Variants in CPEB2 observed in about 807,000 individuals in gnomAD.
The protein encoded by CPEB2 is cytoplasmic polyadenylation element binding protein 2.
In CPEB2, 56 loss-of-function variants were observed where a neutral mutation model predicts 93.6. That is an observed-to-expected ratio of 0.60 (90% confidence interval 0.48 to 0.75). The LOEUF (loss-of-function observed/expected upper bound fraction) is 0.75. Among genes scored for constraint, CPEB2 ranks in the 30% least tolerant of loss-of-function variants. The probability of loss-of-function intolerance (pLI) is 0.00; values close to 1 mark genes in which losing one functional copy is unlikely to be tolerated. For synonymous variants in CPEB2, 764 were observed against 586.3 expected, an observed-to-expected ratio of 1.30 and a Z score of -4.38; for missense variants, 1,579 against 1,395.1, an observed-to-expected ratio of 1.13 and a Z score of -2.10.
At chr4:15,014,147 C>A (rs934436794) in intron 3 of CPEB2, among the ~76,000 whole-genome samples, 1 of 151,940 alleles carries the variant, frequency 6.6e-6, no homozygotes, top group Non-Finnish European at 1.5e-5. Context: ...TTCCCCTACA[C>A]CTCCAGAAAA....
intron 4 of CPEB2, among the ~76,000 whole-genome samples, chr4:15,032,938 A>G (rs1423980302): frequency 6.6e-6 from 1 of 152,140 alleles, no homozygotes; most frequent in Non-Finnish European, 1.5e-5. Context: ...TTGTATTCTT[A>G]TGATCTAGGA....
intron 4 of CPEB2, among the ~76,000 whole-genome samples, chr4:15,021,929 G>A (rs1724857972): frequency 6.6e-6 from 1 of 152,152 alleles, no homozygotes; most frequent in African/African-American, 2.4e-5. Flanking sequence ...GGTGCTGACT[G>A]ATTATGGTAG....
chr4:15,047,893 C>G (rs1231216049), intron 6 of CPEB2, among the ~76,000 whole-genome samples: 1 of 148,782 alleles, frequency 6.7e-6, no homozygotes, highest in Non-Finnish European at 1.5e-5. Flanking sequence ...CCCTCCTACT[C>G]CTAGTTTTCT....
At chr4:15,028,539 T>G (rs560100313) in intron 4 of CPEB2, among the ~76,000 whole-genome samples, 2 of 152,248 alleles carry the variant, frequency 1.3e-5, no homozygotes, top group Admixed American at 1.3e-4. Flanking sequence ...ACTGCCTTCA[T>G]GGATCTTCTG....
chr4:15,024,539 C>G (rs569674655), intron 4 of CPEB2, among the ~76,000 whole-genome samples: 1 of 151,790 alleles, frequency 6.6e-6, no homozygotes, highest in Non-Finnish European at 1.5e-5. Flanking sequence ...GTTTTTCTTT[C>G]TGGAAGCTTT....
intron 4 of CPEB2, among the ~76,000 whole-genome samples, chr4:15,021,663 A>T (rs765647738): frequency 5.9e-5 from 9 of 152,182 alleles, no homozygotes; most frequent in Non-Finnish European, 1.3e-4. Flanking sequence ...GATCTGTGTC[A>T]GTAAGTCGTA....
chr4:15,003,229 C>T lies in CPEB2; in HGVS notation c.556C>T (p.His186Tyr), dbSNP rs1474009020. 8 of 1,530,488 alleles carry T rather than the reference C, an allele frequency of 5.2e-6. No individual in the cohort carries two copies. Among genetic ancestry groups the T allele is most frequent in the Middle Eastern group, 1.7e-4 (1 of 5,986 alleles). The allele number at this position is 1,530,488 out of a possible 1,614,324, so 94.8% of individuals were successfully genotyped here. A position where few individuals can be genotyped will look rare whatever the true frequency, so the allele number is the denominator to read the frequency against. Residue 186 changes from histidine to tyrosine, a missense_variant, in exon 1 of 12, where the codon CAC (histidine) becomes TAC (tyrosine). Physicochemically the swap from His to Tyr is moderately conservative, Grantham distance 83. Around this residue, in one of 2 missense-constraint regions of CPEB2, gnomAD observed 1,411 missense variants for 1,056.0 expected, o/e 1.34. Coordinates refer to ENST00000538197, the MANE Select transcript of CPEB2 (RefSeq NM_001177382.2). ...SQKRKEFSPP[H>Y]LPHPPDSKPP... ...GAAGAGGAAAGAGTTCAGCCCTCCC[C>T]ACCTTCCCCACCCTCCGGACTCGAA...
At chr4:15,022,291 C>T (rs779793900) in intron 4 of CPEB2, among the ~76,000 whole-genome samples, 12 of 152,068 alleles carry the variant, frequency 7.9e-5, no homozygotes, top group Non-Finnish European at 1.6e-4. Context: ...AAAACAAATA[C>T]CAATAATATA....
intron 5 of CPEB2, among the ~76,000 whole-genome samples, chr4:15,036,816 G>T (rs1232859544): frequency 6.6e-6 from 1 of 152,110 alleles, no homozygotes; most frequent in Non-Finnish European, 1.5e-5. Flanking sequence ...TGTACTTTTT[G>T]AGAGGAAAAA....
Position 15,003,178 on chromosome 4 carries a change from C to A in CPEB2, c.505C>A (p.Arg169=). ...CTCCTCCCCGCAGGACTTCAGTAAG[C>A]GGCAGCAGCAGCAGCTGAGCAGCCA... The part of the protein sequence containing the change: ...RTSSPQDFSK[R]QQQQLSSQKR... Residue 169 remains arginine (R), a synonymous_variant, in exon 1 of 12, where the codon CGG becomes AGG. Transcript: ENST00000538197. The A allele has an allele frequency of 6.5e-7, 1 of 1,533,956 alleles. No individual in the cohort carries two copies. Among genetic ancestry groups the A allele is most frequent in the Non-Finnish European group, 8.7e-7 (1 of 1,146,088 alleles).
At chr4:15,065,402 T>C (rs532769717) in intron 11 of CPEB2, among the ~76,000 whole-genome samples, 2 of 152,204 alleles carry the variant, frequency 1.3e-5, no homozygotes, top group South Asian at 4.1e-4. Flanking sequence ...CATAAAGTTA[T>C]CACAAGCAGG....
At position 15,004,269 on chromosome 4, in the gene CPEB2, C is replaced by CCAG. The variant is rs1006298988; in HGVS notation, c.1605_1607dup (p.Gln535dup). On this transcript the variant is annotated inframe_insertion, in exon 1 of 12. Coordinates refer to ENST00000538197, the MANE Select transcript of CPEB2 (RefSeq NM_001177382.2). ...GGAGGTCGCCCGTCAGCCCGCAGCT[C>CCAG]CAGCAGCAGCACCAGGCGGCGGCCG... 3.3e-6 allele frequency: 5 copies of CCAG among 1,495,866 alleles called. No homozygotes were observed. In the African/African-American group the frequency reaches 7.3e-5, roughly 22 times the overall value. 92.7% of individuals were successfully genotyped at this position (1,495,866 alleles called of 1,614,324 possible). A position where few individuals can be genotyped will look rare whatever the true frequency, so the allele number is the denominator to read the frequency against.
At chr4:15,045,562 G>C (rs1727588589) in intron 6 of CPEB2, among the ~76,000 whole-genome samples, 1 of 152,050 alleles carries the variant, frequency 6.6e-6, no homozygotes, top group Non-Finnish European at 1.5e-5. Context: ...TTGGAGTCAA[G>C]ATCAAGTGAT....
chr4:15,008,464 T>C (rs1353295965), intron 3 of CPEB2, 37 bp downstream of exon 3: 2 of 1,379,640 alleles, frequency 1.4e-6, no homozygotes, highest in South Asian at 2.4e-5. Context: ...GGATTTCGGT[T>C]AGGAGTTTAG....
rs1408732869 is a variant in CPEB2, at chr4:15,002,967, T to G, written c.294T>G (p.Leu98=). 1 of 1,509,472 alleles carries G rather than the reference T, an allele frequency of 6.6e-7. No individual in the cohort carries two copies. Among genetic ancestry groups the G allele is most frequent in the East Asian group, 2.5e-5 (1 of 40,316 alleles). The allele number at this position is 1,509,472 out of a possible 1,614,324, so 93.5% of individuals were successfully genotyped here. ...AHQQTMQDEL[L]LGLTQQPARP... ...AGCAGACCATGCAGGATGAGCTGCT[T>G]CTGGGGCTGACACAGCAGCCGGCGC... The change falls in exon 1 of 12, where the codon CTT becomes CTG. Residue 98 remains leucine, a synonymous_variant. Coordinates refer to ENST00000538197, the MANE Select transcript of CPEB2 (RefSeq NM_001177382.2).
At position 15,058,549 on chromosome 4, in the gene CPEB2, T is replaced by C. The variant is rs1728917309; in HGVS notation, c.2580+10T>C. On this transcript the variant is annotated intron_variant, in intron 9 of 11. Transcript: ENST00000538197. ...TATCAAGGACAAACCAGTAAGTAAA[T>C]ACCACATGAACTTCAGGCTACAAAT... is the stretch of plus-strand genomic sequence containing the variant. 3 of 1,443,718 alleles carry C rather than the reference T, an allele frequency of 2.1e-6. No homozygotes were observed. Among genetic ancestry groups the C allele is most frequent in the Non-Finnish European group, 2.9e-6 (3 of 1,035,210 alleles). 89.4% of individuals were successfully genotyped at this position (1,443,718 alleles called of 1,614,324 possible).
At position 15,052,597 on chromosome 4, in the gene CPEB2, A is replaced by T. The variant is rs765811358; in HGVS notation, c.2371+13A>T. ...GATATTGATGAAGGTATTTATTAAG[A>T]TATTTATTAACATGGTGATTTGGGC... On this transcript the variant is annotated intron_variant, in intron 7 of 11. Coordinates refer to ENST00000538197, the MANE Select transcript of CPEB2 (RefSeq NM_001177382.2). The T allele has an allele frequency of 6.9e-7, 1 of 1,457,420 alleles. No homozygotes were observed. The highest frequency in any genetic ancestry group is 1.5e-5 in the South Asian group (1 of 68,066). 90.3% of individuals were successfully genotyped at this position (1,457,420 alleles called of 1,614,324 possible). A position where few individuals can be genotyped will look rare whatever the true frequency, so the allele number is the denominator to read the frequency against.
At chr4:15,025,000 C>G (rs1163537517) in intron 4 of CPEB2, among the ~76,000 whole-genome samples, 1 of 152,070 alleles carries the variant, frequency 6.6e-6, no homozygotes, top group Non-Finnish European at 1.5e-5. Context: ...CCGCTTCAGC[C>G]TTCCAAAGTG....
chr4:15,027,300 TTAAC>T (rs1376296745), intron 4 of CPEB2, among the ~76,000 whole-genome samples: 2 of 152,240 alleles, frequency 1.3e-5, no homozygotes, highest in African/African-American at 4.8e-5. Flanking sequence ...TTTGAATGCA[TTAAC>T]TAGATTAATT....
Sources: gnomAD v4.1 joint callset for allele counts (sites outside exome capture counted in the v4.1 genomes callset) on GRCh38, gnomAD v4.1.1 for gene constraint, gnomAD v4.1.1 regional missense constraint, MANE v1.5 for transcripts, NCBI Gene and HGNC (gene_info 2026-07-23, HGNC 2026-07-21) for gene names.